Variants in GNB4 observed in about 807,000 individuals in gnomAD.
GNB4 encodes guanine nucleotide-binding protein subunit beta-4.
GNB4 carries 28 observed loss-of-function variants against 45.2 expected under a neutral mutation model. The ratio of observed to expected loss-of-function variants is 0.62; its 90% CI spans 0.46 to 0.85. The LOEUF (loss-of-function observed/expected upper bound fraction) is 0.85. GNB4 is among the 40% of genes least tolerant of loss of function. The pLI, the probability that GNB4 is intolerant of heterozygous loss-of-function variation, is 0.00. For synonymous variants in GNB4, 132 were observed against 143.7 expected, an observed-to-expected ratio of 0.92 and a Z score of 0.58; for missense variants, 321 against 425.4, an observed-to-expected ratio of 0.75 and a Z score of 2.16.
intron 6 of GNB4, 123 bp from the exon 7 acceptor site, chr3:179,413,904 TC>T: frequency 1.4e-6 from 1 of 709,000 alleles, no homozygotes; most frequent in Non-Finnish European, 2.3e-6. Context: ...GTCAATATAG[TC>T]TATAGTTCTA....
the GNB4 span, among the ~76,000 whole-genome samples, chr3:179,514,281 A>G: frequency 6.6e-6 from 1 of 152,228 alleles, no homozygotes; most frequent in Admixed American, 6.5e-5. Flanking sequence ...GGGGAAAGGC[A>G]TTCTAGAGTC....
intron 1 of GNB4, among the ~76,000 whole-genome samples, chr3:179,450,345 C>T (rs1430281880): frequency 6.6e-6 from 1 of 152,214 alleles, no homozygotes; most frequent in African/African-American, 2.4e-5. Flanking sequence ...GAAATAACTT[C>T]CCTCCCATCT....
the GNB4 span, among the ~76,000 whole-genome samples, chr3:179,497,095 T>C: frequency 1.3e-5 from 2 of 152,114 alleles, no homozygotes; most frequent in Admixed American, 1.3e-4. Context: ...TTTAGATTGA[T>C]TTCAAATTAT....
At chr3:179,485,276 T>A in the GNB4 span, among the ~76,000 whole-genome samples, 1 of 152,042 alleles carries the variant, frequency 6.6e-6, no homozygotes, top group African/African-American at 2.4e-5. Context: ...CCTCCCAAAG[T>A]GCTGGGATTA....
At chr3:179,412,247 CG>C (rs1714672755) in intron 8 of GNB4, among the ~76,000 whole-genome samples, 4 of 152,002 alleles carry the variant, frequency 2.6e-5, no homozygotes, top group Non-Finnish European at 5.9e-5. Flanking sequence ...GTGGGAGGAT[CG>C]CTGAGCCCAG....
chr3:179,427,196 T>C (rs1449229486), intron 1 of GNB4, among the ~76,000 whole-genome samples: 1 of 152,100 alleles, frequency 6.6e-6, no homozygotes, highest in Non-Finnish European at 1.5e-5. Context: ...CAGTGGGACC[T>C]TTGCTGATAG....
At chr3:179,443,456 T>C (rs1271516925) in intron 1 of GNB4, among the ~76,000 whole-genome samples, 1 of 152,118 alleles carries the variant, frequency 6.6e-6, no homozygotes, top group East Asian at 1.9e-4. Flanking sequence ...TGAGAATCTT[T>C]TGAGCCTGGG....
the GNB4 span, among the ~76,000 whole-genome samples, chr3:179,480,220 T>G: frequency 6.6e-6 from 1 of 152,212 alleles, no homozygotes; most frequent in African/African-American, 2.4e-5. Context: ...GAGTGAAGCT[T>G]CTTTTCTTTA....
chr3:179,480,486 T>C, the GNB4 span, among the ~76,000 whole-genome samples: 51,734 of 151,896 alleles, frequency 0.34, 9,617 homozygotes, highest in East Asian at 0.57. Context: ...CCATCATAAA[T>C]TAGCTGCCAT....
At chr3:179,510,669 G>A in the GNB4 span, among the ~76,000 whole-genome samples, 16 of 150,938 alleles carry the variant, frequency 1.1e-4, no homozygotes, top group South Asian at 2.1e-4. Flanking sequence ...CAAAATCTCC[G>A]TAGCCAGAAT....
At chr3:179,449,496 T>C (rs560045587) in intron 1 of GNB4, among the ~76,000 whole-genome samples, 4 of 152,308 alleles carry the variant, frequency 2.6e-5, no homozygotes, top group Non-Finnish European at 4.4e-5. Context: ...CGAACTAAGT[T>C]AATATGGCTC....
chr3:179,445,003 A>C (rs7619324), intron 1 of GNB4, among the ~76,000 whole-genome samples: 143,035 of 152,034 alleles, frequency 0.94, 67,409 homozygotes, highest in East Asian at 1. Flanking sequence ...GAGAAAAAAA[A>C]TGAGTCAAGC....
At chr3:179,521,203 G>A in the GNB4 span, among the ~76,000 whole-genome samples, 1 of 152,098 alleles carries the variant, frequency 6.6e-6, no homozygotes, top group Non-Finnish European at 1.5e-5. Flanking sequence ...TCCTCGGTTT[G>A]GCCTTCCCAC....
At chr3:179,493,995 G>T in the GNB4 span, among the ~76,000 whole-genome samples, 1 of 152,194 alleles carries the variant, frequency 6.6e-6, no homozygotes, top group Non-Finnish European at 1.5e-5. Context: ...TGGAATGCTA[G>T]AGGCTGGGGA....
the GNB4 span, among the ~76,000 whole-genome samples, chr3:179,497,028 T>G: frequency 6.6e-6 from 1 of 152,078 alleles, no homozygotes; most frequent in Non-Finnish European, 1.5e-5. Context: ...TTCTGTGAAA[T>G]TTGGGATTAA....
At chr3:179,456,158 G>A (rs1489917813), upstream of GNB4, among the ~76,000 whole-genome samples, 1 of 150,312 alleles carries the variant, frequency 6.7e-6, no homozygotes, top group Non-Finnish European at 1.5e-5. Context: ...GTCACTGAGG[G>A]TGGAGCGCAG....
At chr3:179,413,882 CAA>C in intron 6 of GNB4, 101 bp from the exon 7 acceptor site, 1 of 856,528 alleles carries the variant, frequency 1.2e-6, no homozygotes, top group Non-Finnish European at 1.8e-6. Flanking sequence ...AATACTTGGG[CAA>C]CAAGTGTTTG....
the GNB4 span, among the ~76,000 whole-genome samples, chr3:179,514,156 T>C: frequency 6.6e-6 from 1 of 152,114 alleles, no homozygotes; most frequent in Non-Finnish European, 1.5e-5. Flanking sequence ...CACTGTGCCA[T>C]GGAGCTCAGC....
the GNB4 span, among the ~76,000 whole-genome samples, chr3:179,510,527 C>T: frequency 2.6e-5 from 4 of 151,746 alleles, no homozygotes; most frequent in East Asian, 7.7e-4. Flanking sequence ...AAGGCCTGAG[C>T]CTTGAGGAAA....
Sources: allele counts gnomAD v4.1 joint callset (sites outside exome capture counted in the v4.1 genomes callset), GRCh38; gene constraint gnomAD v4.1.1; transcripts MANE v1.5; gene names NCBI Gene and HGNC (gene_info 2026-07-23, HGNC 2026-07-21).